The following AOAH variants were observed in gnomAD, a reference collection of about 807,000 sequenced individuals.
The protein encoded by AOAH is acyloxyacyl hydrolase.
Under a neutral mutation model 92.2 loss-of-function variants are expected in AOAH, and 64 were observed. That is an observed-to-expected ratio of 0.69 (90% CI 0.57 to 0.86). AOAH has a LOEUF of 0.86. Among genes scored for constraint, AOAH ranks in the 40% least tolerant of loss-of-function variants. The pLI is 0.00. For synonymous variants in AOAH, 263 were observed against 254.5 expected, an observed-to-expected ratio of 1.03 and a Z score of -0.32; for missense variants, 656 against 694.6, an observed-to-expected ratio of 0.94 and a Z score of 0.62.
chr7:36,618,379 G>A, intron 9 of AOAH, 34 bp from the exon 10 acceptor site: 1 of 1,608,488 alleles, frequency 6.2e-7, no homozygotes, highest in Non-Finnish European at 8.5e-7. Flanking sequence ...TAGCAGTTTG[G>A]TTTTAAATTT....
At chr7:36,695,573 G>T (rs553304487) in intron 1 of AOAH, among the ~76,000 whole-genome samples, 49 of 152,286 alleles carry the variant, frequency 3.2e-4, no homozygotes, top group African/African-American at 1.1e-3. Flanking sequence ...CAGATCAGCA[G>T]TGGCTAACCA....
intron 15 of AOAH, among the ~76,000 whole-genome samples, chr7:36,542,049 G>T (rs1196748998): frequency 1.3e-5 from 2 of 152,048 alleles, no homozygotes; most frequent in African/African-American, 4.8e-5. Flanking sequence ...TTGAAAATAG[G>T]GTCTTCATGG....
chr7:36,576,310 G>A (rs1457669859), intron 13 of AOAH, among the ~76,000 whole-genome samples: 1 of 152,156 alleles, frequency 6.6e-6, no homozygotes, highest in African/African-American at 2.4e-5. Flanking sequence ...CTGTGCCTTG[G>A]CCTTGCTAGA....
At chr7:36,717,325 C>A (rs953289055) in intron 1 of AOAH, among the ~76,000 whole-genome samples, 19 of 152,136 alleles carry the variant, frequency 1.2e-4, no homozygotes, top group Non-Finnish European at 2.6e-4. Flanking sequence ...TGAGAGCTAT[C>A]CCCTCACGCC....
At chr7:36,722,356 A>C (rs1446373132) in intron 1 of AOAH, among the ~76,000 whole-genome samples, 2 of 152,160 alleles carry the variant, frequency 1.3e-5, no homozygotes, top group Non-Finnish European at 2.9e-5. Flanking sequence ...ATTTTACTGA[A>C]GTGAAGGTCC....
Position 36,621,758 on chromosome 7 carries a change from C to A in AOAH, c.605G>T (p.Arg202Leu), listed in dbSNP as rs373491776. 7.4e-6 allele frequency: 12 copies of A among 1,614,068 alleles called. No individual in the cohort carries two copies. In the African/African-American group the frequency reaches 1.6e-4, roughly 22 times the overall value. Residue 202 changes from arginine to leucine, a missense_variant, in exon 8 of 21, where the codon CGG (arginine) becomes CTG (leucine). Arg to Leu is a moderately radical substitution (Grantham distance 102, BLOSUM62 -2). Coordinates refer to ENST00000617537, the MANE Select transcript of AOAH (RefSeq NM_001637.4). ...GTCGCTGTCATTACAGTCTCTCCCC[C>A]GCCAGTGATAGCCCCGCAGTGTCTG... ...VFPTLRGYHW[R>L]GRDCNDSDES... is the part of the protein sequence containing the mutation.
At chr7:36,606,962 T>G (rs1055545442) in intron 11 of AOAH, among the ~76,000 whole-genome samples, 1 of 152,160 alleles carries the variant, frequency 6.6e-6, no homozygotes, top group Non-Finnish European at 1.5e-5. Context: ...TCAGAACCCT[T>G]TGTGTCTCTG....
Position 36,705,242 on chromosome 7 carries a change from C to T in AOAH, c.128-18448G>A, listed in dbSNP as rs1452323624. Among the ~76,000 whole-genome samples, 4 of 152,208 alleles carry T rather than the reference C, an allele frequency of 2.6e-5. No individual in the cohort carries two copies. The East Asian group carries it at 5.8e-4, about 22-fold the overall frequency. ...TGATTGTATATTTAGAAAACCCCAT[C>T]GTCTCAGCCCAAAAACTCCTTAAGC... On this transcript the variant is annotated intron_variant, in intron 1 of 20. Transcript: ENST00000617537.
intron 14 of AOAH, among the ~76,000 whole-genome samples, 153 bp from the exon 15 acceptor site, chr7:36,548,839 C>G (rs2116311977): frequency 6.6e-6 from 1 of 152,304 alleles, no homozygotes; most frequent in South Asian, 2.1e-4. Flanking sequence ...CAGCCAACCA[C>G]CATTCCCATC....
intron 3 of AOAH, among the ~76,000 whole-genome samples, chr7:36,662,783 C>T (rs1562671583): frequency 2.0e-5 from 3 of 152,160 alleles, no homozygotes; most frequent in African/African-American, 7.2e-5. Context: ...GTGGACCACT[C>T]AGAGAGTGAG....
rs146032656 is a variant in AOAH at position 36,647,886 on chromosome 7, A to G, written c.391-9976T>C. Reference sequence around the variant, plus strand: ...CGCTCTGTCACCCAGGCTGGAGTGCAGTGGCGTTATCTTGGCTCACAGCAA... The same window carrying G: ...CGCTCTGTCACCCAGGCTGGAGTGCGGTGGCGTTATCTTGGCTCACAGCAA... On this transcript the variant is annotated intron_variant, in intron 4 of 20. Transcript: ENST00000617537. Among the ~76,000 whole-genome samples the G allele has an allele frequency of 8.6e-3, 1,299 of 150,778 alleles. 5 individuals carry two copies. The highest frequency in any genetic ancestry group is 0.016 in the Admixed American group (240 of 15,122).
chr7:36,675,541 C>A (rs1049897133), intron 2 of AOAH, among the ~76,000 whole-genome samples: 2 of 152,092 alleles, frequency 1.3e-5, no homozygotes, highest in African/African-American at 4.8e-5. Flanking sequence ...GCTAGCTGCA[C>A]CAGATAGGAT....
At chr7:36,560,313 T>C (rs957627626) in intron 13 of AOAH, among the ~76,000 whole-genome samples, 2 of 152,224 alleles carry the variant, frequency 1.3e-5, no homozygotes, top group African/African-American at 4.8e-5. Flanking sequence ...GATCTATAGA[T>C]TGCTTTGGGC....
intron 1 of AOAH, among the ~76,000 whole-genome samples, chr7:36,720,611 A>G (rs1362438155): frequency 6.6e-6 from 1 of 152,170 alleles, no homozygotes; most frequent in African/African-American, 2.4e-5. Flanking sequence ...TGGCTCTGGC[A>G]TTGGCAGTTT....
chr7:36,681,949 C>T (rs569849064), intron 2 of AOAH, among the ~76,000 whole-genome samples: 2 of 152,290 alleles, frequency 1.3e-5, no homozygotes, highest in African/African-American at 4.8e-5. Flanking sequence ...GACCTATGGG[C>T]CATCAACTTC....
At position 36,717,012 on chromosome 7, in the gene AOAH, AT is replaced by A. The variant is rs1244258899; in HGVS notation, c.127+7009del. ...AATAAATAAATAAATAAATAAATAA[AT>A]AAATAAAAAAGCATAGTCGACCCTG... On this transcript the variant is annotated intron_variant, in intron 1 of 20. Coordinates refer to ENST00000617537, the MANE Select transcript of AOAH (RefSeq NM_001637.4). Among the ~76,000 whole-genome samples, 18 of 150,464 alleles carry A rather than the reference AT, an allele frequency of 1.2e-4. No individual in the cohort carries two copies. In the South Asian group the frequency reaches 1.3e-3, roughly 10 times the overall value.
chr7:36,577,024 CTTTTTTTT>C, intron 12 of AOAH, among the ~76,000 whole-genome samples: 1 of 131,432 alleles, frequency 7.6e-6, no homozygotes, highest in East Asian at 2.2e-4. Context: ...TGTTGCCTTT[CTTTTTTTT>C]TTTTTTTTTG....
chr7:36,627,400 T>G (rs1488676952), intron 6 of AOAH, among the ~76,000 whole-genome samples: 6 of 152,178 alleles, frequency 3.9e-5, no homozygotes, highest in African/African-American at 1.4e-4. Context: ...GGTTCTGAAA[T>G]TAGATTCTCT....
At chr7:36,695,823 T>C (rs943297064) in intron 1 of AOAH, among the ~76,000 whole-genome samples, 1 of 152,228 alleles carries the variant, frequency 6.6e-6, no homozygotes, top group African/African-American at 2.4e-5. Flanking sequence ...AAGTACAACT[T>C]ATCAACATTT....
Sources: allele counts gnomAD v4.1 joint callset (sites outside exome capture counted in the v4.1 genomes callset), GRCh38; gene constraint gnomAD v4.1.1; transcripts MANE v1.5; gene names NCBI Gene and HGNC (gene_info 2026-07-23, HGNC 2026-07-21).